The following TEAD1 variants were observed in gnomAD, a reference collection of about 807,000 sequenced individuals.
TEAD1 encodes TEA domain transcription factor 1.
In TEAD1, 9 loss-of-function variants were observed where a neutral mutation model predicts 54.9. The observed-to-expected ratio is 0.16, with a 90% confidence interval of 0.10 to 0.29. The LOEUF is 0.29. TEAD1 is among the 10% of genes least tolerant of loss of function. The probability of loss-of-function intolerance (pLI) is 1.00; values close to 1 mark genes in which losing one functional copy is unlikely to be tolerated. For missense variants in TEAD1, 387 were observed against 535.9 expected, an observed-to-expected ratio of 0.72 and a Z score of 2.74; for synonymous variants, 200 against 187.8, an observed-to-expected ratio of 1.07 and a Z score of -0.53.
chr11:12,891,454 T>C (rs1948195708), intron 9 of TEAD1, among the ~76,000 whole-genome samples: 2 of 152,152 alleles, frequency 1.3e-5, no homozygotes, highest in South Asian at 2.1e-4. Context: ...AGAGATGTTA[T>C]GGAGATAAAA....
At chr11:12,825,096 G>A (rs1436131952) in intron 3 of TEAD1, among the ~76,000 whole-genome samples, 2 of 152,150 alleles carry the variant, frequency 1.3e-5, no homozygotes, top group Admixed American at 1.3e-4. Flanking sequence ...TATTTAGCCA[G>A]TTCTGTTTCG....
chr11:12,901,461 T>A (rs771490132), intron 9 of TEAD1, among the ~76,000 whole-genome samples: 3 of 152,188 alleles, frequency 2.0e-5, no homozygotes, highest in Non-Finnish European at 4.4e-5. Flanking sequence ...CTCTTATTCC[T>A]GCTGGAAGAA....
In TEAD1 at chr11:12,939,326, A is replaced by G. The variant is rs999404793; in HGVS notation, c.*2104A>G. ...TCTTAGGGATGTTTCTTTTGCTCTT[A>G]TTTCCTGCATCTTTCCTTAAGGGAA... On this transcript the variant is annotated 3_prime_UTR_variant, in exon 13 of 13. Transcript: ENST00000527636. 7 of 152,130 alleles carry G rather than the reference A, an allele frequency of 4.6e-5. No homozygotes were observed. The highest frequency in any genetic ancestry group is 1.7e-4 in the African/African-American group (7 of 41,376). 9.4% of individuals were successfully genotyped at this position (152,130 alleles called of 1,614,324 possible).
chr11:12,767,938 G>C (rs1429031821), intron 3 of TEAD1, among the ~76,000 whole-genome samples: 1 of 152,160 alleles, frequency 6.6e-6, no homozygotes, highest in African/African-American at 2.4e-5. Context: ...AAGATGAGAG[G>C]GAAGTTCTTG....
chr11:12,850,590 C>T (rs1034641372), intron 3 of TEAD1, among the ~76,000 whole-genome samples: 1 of 152,132 alleles, frequency 6.6e-6, no homozygotes, highest in Non-Finnish European at 1.5e-5. Context: ...AGCAAGTTTC[C>T]CAAGTTCACA....
intron 9 of TEAD1, among the ~76,000 whole-genome samples, chr11:12,887,040 C>G (rs1309017248): frequency 6.7e-6 from 1 of 150,238 alleles, no homozygotes; most frequent in Non-Finnish European, 1.5e-5. Context: ...CAGTTGAACA[C>G]AAATGATTTA....
chr11:12,729,227 G>T (rs1326972293), intron 2 of TEAD1, among the ~76,000 whole-genome samples: 1 of 152,214 alleles, frequency 6.6e-6, no homozygotes, highest in Non-Finnish European at 1.5e-5. Flanking sequence ...TGGGCTTTCA[G>T]ATCATGTGGA....
rs1202151683 is a variant in TEAD1, at chr11:12,809,182, G to A, written c.202+44748G>A. On this transcript the variant is annotated intron_variant, in intron 3 of 12. Coordinates refer to ENST00000527636, the MANE Select transcript of TEAD1 (RefSeq NM_021961.6). Reference sequence around the variant, plus strand: ...CTGCAGACCCTGAGGACACCAGAGCGGCAGGCTTTGAAGGGAGAGCAGTGG... The same window carrying A: ...CTGCAGACCCTGAGGACACCAGAGCAGCAGGCTTTGAAGGGAGAGCAGTGG... 6.6e-5 allele frequency among the ~76,000 whole-genome samples: 10 copies of A among 152,162 alleles called. No individual in the cohort carries two copies. The East Asian group carries it at 1.3e-3, about 21-fold the overall frequency.
At chr11:12,759,091 T>G (rs1182651870) in intron 2 of TEAD1, among the ~76,000 whole-genome samples, 1 of 152,158 alleles carries the variant, frequency 6.6e-6, no homozygotes, top group African/African-American at 2.4e-5. Flanking sequence ...TTTCATTAAT[T>G]ATGAGGATTA....
In TEAD1 at chr11:12,776,300, A is replaced by C. The variant is rs554043380; in HGVS notation, c.202+11866A>C. Among the ~76,000 whole-genome samples, 9 of 152,326 alleles carry C rather than the reference A, an allele frequency of 5.9e-5. No homozygotes were observed. The East Asian group carries it at 1.7e-3, about 29-fold the overall frequency. ...GAGAGAAAGGAAGACGTCCACATCC[A>C]TTCCTTGAATGTGCATAGGCTCACA... On this transcript the variant is annotated intron_variant, in intron 3 of 12. Coordinates refer to ENST00000527636, the MANE Select transcript of TEAD1 (RefSeq NM_021961.6).
intron 3 of TEAD1, among the ~76,000 whole-genome samples, chr11:12,792,767 C>T (rs73423679): frequency 0.034 from 5,196 of 152,194 alleles, 315 homozygotes; most frequent in African/African-American, 0.12. Flanking sequence ...CAAAATGTTA[C>T]AAAATGAGCT....
intron 2 of TEAD1, among the ~76,000 whole-genome samples, chr11:12,730,815 C>G (rs931350748): frequency 1.3e-5 from 2 of 150,410 alleles, no homozygotes; most frequent in East Asian, 3.9e-4. Context: ...ATTCTCATGC[C>G]TCAGCCTCCC....
chr11:12,806,064 G>A (rs1232639848), intron 3 of TEAD1, among the ~76,000 whole-genome samples: 1 of 152,196 alleles, frequency 6.6e-6, no homozygotes, highest in Non-Finnish European at 1.5e-5. Flanking sequence ...GAGGCAAAGA[G>A]TGTCAGTGGA....
intron 3 of TEAD1, among the ~76,000 whole-genome samples, chr11:12,802,479 C>T (rs922877760): frequency 1.3e-5 from 2 of 152,056 alleles, no homozygotes; most frequent in Non-Finnish European, 2.9e-5. Context: ...AAAACAATTA[C>T]ATGTTCCCCC....
intron 3 of TEAD1, among the ~76,000 whole-genome samples, chr11:12,813,836 A>G (rs908898602): frequency 2.0e-5 from 3 of 151,760 alleles, no homozygotes; most frequent in African/African-American, 7.3e-5. Flanking sequence ...TTGTGTTTGG[A>G]TTTAGCTGGG....
At chr11:12,806,258 G>T (rs566579481) in intron 3 of TEAD1, among the ~76,000 whole-genome samples, 1 of 152,160 alleles carries the variant, frequency 6.6e-6, no homozygotes, top group African/African-American at 2.4e-5. Flanking sequence ...TGTTCATATG[G>T]ATGCTGCAGA....
At chr11:12,837,825 T>G (rs1213403797) in intron 3 of TEAD1, among the ~76,000 whole-genome samples, 1 of 147,848 alleles carries the variant, frequency 6.8e-6, no homozygotes, top group African/African-American at 2.5e-5. Flanking sequence ...TTTTTGAGAC[T>G]GAGTTTTGCC....
chr11:12,904,328 C>T lies in TEAD1; in HGVS notation c.873+2215C>T, dbSNP rs12577298. On this transcript the variant is annotated intron_variant, in intron 10 of 12. Coordinates refer to ENST00000527636, the MANE Select transcript of TEAD1 (RefSeq NM_021961.6). ...TTGCCAAAGATAAAATTTGGGCTTT[C>T]AAATGAAAATTAGAATACTGGGAAA... Among the ~76,000 whole-genome samples, 379 of 152,244 alleles carry T rather than the reference C, an allele frequency of 2.5e-3. 11 individuals carry two copies. In the East Asian group the frequency reaches 0.06, roughly 24 times the overall value.
chr11:12,726,338 A>G (rs973547334), intron 2 of TEAD1, among the ~76,000 whole-genome samples: 3 of 152,188 alleles, frequency 2.0e-5, no homozygotes, highest in Non-Finnish European at 2.9e-5. Flanking sequence ...CTCAAATCCA[A>G]CTGAAGTTGG....
Sources: gnomAD v4.1 joint callset for allele counts (sites outside exome capture counted in the v4.1 genomes callset) on GRCh38, gnomAD v4.1.1 for gene constraint, MANE v1.5 for transcripts, NCBI Gene and HGNC (gene_info 2026-07-23, HGNC 2026-07-21) for gene names.